Variants in KIAA2012 observed in about 807,000 individuals in gnomAD.
KIAA2012 encodes the protein uncharacterized protein KIAA2012.
A neutral mutation model predicts 150.6 loss-of-function variants in KIAA2012; 125 were observed. The ratio of observed to expected loss-of-function variants is 0.83; its 90% CI spans 0.72 to 0.96. KIAA2012 has a LOEUF of 0.96. Ranked by LOEUF, KIAA2012 falls within the 40% of genes least tolerant of loss-of-function variation. KIAA2012 has a pLI of 0.00. For synonymous variants in KIAA2012, 462 were observed against 504.7 expected (o/e 0.92, Z 1.13); for missense variants, 1,219 against 1,354.9 (o/e 0.90, Z 1.57).
intron 15 of KIAA2012, among the ~76,000 whole-genome samples, chr2:202,171,202 C>G (rs1388853844): frequency 3.2e-5 from 1 of 31,416 alleles, no homozygotes; most frequent in Non-Finnish European, 8.1e-5. Context: ...CACAGACACA[C>G]ATGCACACAC....
At chr2:202,125,736 C>T (rs962519083) in intron 12 of KIAA2012, 1 of 394,036 alleles carries the variant, frequency 2.5e-6, no homozygotes, top group African/African-American at 2.1e-5. Flanking sequence ...TCTGCCTCTC[C>T]TCAGATTCCT....
chr2:202,135,026 G>A (rs1370987362), intron 12 of KIAA2012, among the ~76,000 whole-genome samples: 1 of 152,212 alleles, frequency 6.6e-6, no homozygotes, highest in Non-Finnish European at 1.5e-5. Context: ...ATGATTTGAA[G>A]AAGGCAGAAG....
chr2:202,194,331 A>G lies in KIAA2012; in HGVS notation c.3156A>G (p.Arg1052=). The change falls in exon 21 of 24, where the codon AGA becomes AGG. Residue 1052 remains arginine (R), a synonymous_variant. Coordinates refer to ENST00000498697, the MANE Select transcript of KIAA2012 (RefSeq NM_001277372.4). ...GGAGGAAACTGCGAGAACTACAGAGAAAAAAGCAGCAGGAGGAAGCCGAGA... is the reference window on the plus strand; with the variant it reads ...GGAGGAAACTGCGAGAACTACAGAGGAAAAAGCAGCAGGAGGAAGCCGAGA... ...EFRRKLRELQ[R]KKQQEEAERA... 1 of 1,550,348 alleles carries G rather than the reference A, an allele frequency of 6.5e-7. No homozygotes were observed. The highest frequency in any genetic ancestry group is 8.7e-7 in the Non-Finnish European group (1 of 1,146,966).
intron 5 of KIAA2012, among the ~76,000 whole-genome samples, chr2:202,099,303 G>A (rs10931991): frequency 0.72 from 109,798 of 152,090 alleles, 39,708 homozygotes; most frequent in Admixed American, 0.73. Context: ...GAAACATTTC[G>A]TAATGGATAA....
chr2:202,085,301 G>T (rs1372213189), intron 2 of KIAA2012, among the ~76,000 whole-genome samples: 4 of 152,210 alleles, frequency 2.6e-5, no homozygotes, highest in Non-Finnish European at 5.9e-5. Context: ...GGAAATCAAG[G>T]TTGCCGATGG....
At chr2:202,169,287 C>CCAAG (rs1691835214) in intron 15 of KIAA2012, among the ~76,000 whole-genome samples, 1 of 152,180 alleles carries the variant, frequency 6.6e-6, no homozygotes, top group Non-Finnish European at 1.5e-5. Flanking sequence ...GATGACAAAA[C>CCAAG]CAAGTTTCCT....
chr2:202,200,755 G>A (rs908900956), intron 22 of KIAA2012, among the ~76,000 whole-genome samples: 1 of 128,822 alleles, frequency 7.8e-6, no homozygotes, highest in African/African-American at 3.0e-5. Flanking sequence ...TGCCCAGGCT[G>A]GAGTGCAATG....
intron 15 of KIAA2012, chr2:202,179,954 A>G: frequency 1.4e-6 from 1 of 736,352 alleles, no homozygotes; most frequent in Non-Finnish European, 2.3e-6. Flanking sequence ...TAGGGGGCTT[A>G]CTCCAACTGA....
chr2:202,115,068 A>G (rs12623487), intron 11 of KIAA2012: 46,232 of 164,516 alleles, frequency 0.28, 6,777 homozygotes, highest in African/African-American at 0.36. Context: ...CTCTATTAAT[A>G]AGCAAAGATT....
rs1689261599 is a variant in KIAA2012, at chr2:202,073,859, A to G, written c.84+148A>G. ...GGAAGATCTTCCTTCCTCCTTCATG[A>G]AACTCAAGAAAATAACATCATTTTC... is the stretch of plus-strand genomic sequence containing the variant. On this transcript the variant is annotated intron_variant, in intron 1 of 23. Transcript: ENST00000498697. 6.2e-6 allele frequency: 4 copies of G among 645,480 alleles called. No homozygotes were observed. In the Admixed American group the frequency reaches 8.4e-5, roughly 14 times the overall value. 40.0% of individuals were successfully genotyped at this position (645,480 alleles called of 1,614,324 possible).
chr2:202,155,811 T>G (rs1691515564), intron 14 of KIAA2012, among the ~76,000 whole-genome samples: 1 of 152,208 alleles, frequency 6.6e-6, no homozygotes, highest in South Asian at 2.1e-4. Context: ...GAGTCATGCA[T>G]TTGCCCAAAA....
intron 12 of KIAA2012, among the ~76,000 whole-genome samples, chr2:202,134,673 G>A (rs2105942314): frequency 1.3e-5 from 2 of 152,244 alleles, no homozygotes; most frequent in East Asian, 3.9e-4. Flanking sequence ...TCTTGCCTCG[G>A]CCTCCCAAGT....
intron 15 of KIAA2012, among the ~76,000 whole-genome samples, chr2:202,175,441 T>G (rs1023123176): frequency 6.6e-6 from 1 of 152,342 alleles, no homozygotes; most frequent in East Asian, 1.9e-4. Flanking sequence ...ATTCACATGC[T>G]GAAACCTCAT....
At chr2:202,204,116 G>A (rs1198692420) in intron 23 of KIAA2012, among the ~76,000 whole-genome samples, 1 of 145,084 alleles carries the variant, frequency 6.9e-6, no homozygotes, top group Admixed American at 7.0e-5. Flanking sequence ...TCACTCTGTC[G>A]TCCAAACTAG....
chr2:202,198,865 A>C (rs1692462558), intron 22 of KIAA2012, among the ~76,000 whole-genome samples: 1 of 152,228 alleles, frequency 6.6e-6, no homozygotes, highest in South Asian at 2.1e-4. Flanking sequence ...AGTGCAACTC[A>C]ATATCAAGTT....
chr2:202,175,716 T>C (rs911020628), intron 15 of KIAA2012, among the ~76,000 whole-genome samples: 1 of 152,210 alleles, frequency 6.6e-6, no homozygotes, highest in Non-Finnish European at 1.5e-5. Flanking sequence ...GAAATAAATT[T>C]CTGTTGTTTC....
intron 13 of KIAA2012, among the ~76,000 whole-genome samples, chr2:202,139,156 G>A (rs942374465): frequency 9.3e-5 from 14 of 150,906 alleles, no homozygotes; most frequent in African/African-American, 2.9e-4. Flanking sequence ...CAGGAAAATC[G>A]CTTGAACCTG....
At chr2:202,199,931 T>TTC (rs1311273296) in intron 22 of KIAA2012, among the ~76,000 whole-genome samples, 2 of 132,980 alleles carry the variant, frequency 1.5e-5, no homozygotes, top group African/African-American at 5.7e-5. Context: ...TTTTTTTTTT[T>TTC]TTTTTTTTTT....
At chr2:202,177,418 G>T (rs1449968466) in intron 15 of KIAA2012, among the ~76,000 whole-genome samples, 1 of 152,138 alleles carries the variant, frequency 6.6e-6, no homozygotes, top group African/African-American at 2.4e-5. Flanking sequence ...CCTGAGATTG[G>T]GTAATTTATG....
Sources: gnomAD v4.1 joint callset for allele counts (sites outside exome capture counted in the v4.1 genomes callset) on GRCh38, gnomAD v4.1.1 for gene constraint, MANE v1.5 for transcripts, NCBI Gene and HGNC (gene_info 2026-07-23, HGNC 2026-07-21) for gene names.